The following IGBP1 variants were observed in gnomAD, a reference collection of about 807,000 sequenced individuals.
The protein encoded by IGBP1 is immunoglobulin-binding protein 1.
Under a neutral mutation model 25.9 loss-of-function variants are expected in IGBP1, and 2 were observed. The ratio of observed to expected loss-of-function variants is 0.08; its 90% confidence interval spans 0.03 to 0.24. The LOEUF is 0.24. Ranked by LOEUF, IGBP1 falls within the 10% of genes least tolerant of loss-of-function variation. The pLI, the probability that IGBP1 is intolerant of heterozygous loss-of-function variation, is 1.00. For missense variants in IGBP1, 187 were observed against 260.4 expected (o/e 0.72, Z 1.94); for synonymous variants, 96 against 93.4 (o/e 1.03, Z -0.16).
chrX:70,147,675 A>G (rs1306758170), intron 4 of IGBP1, among the ~76,000 whole-genome samples: 5 of 112,210 alleles, frequency 4.5e-5, no homozygotes, highest in Admixed American at 1.9e-4. Flanking sequence ...GTAAACTGGT[A>G]AAGAAACCTG....
Position 70,148,822 on chromosome X carries a change from G to A in IGBP1, c.740G>A (p.Arg247Gln), listed in dbSNP as rs763800076. ...RPPVKPFILT[R>Q]NMAQAKVFGA... ...CCAGTGAAACCCTTCATTCTCACTC[G>A]GAACATGGCTCAAGCCAAGTAGGTA... Residue 247 changes from arginine (R) to glutamine (Q), a missense_variant, in exon 5 of 7, where the codon CGG becomes CAG. Transcript: ENST00000356413. 1.4e-5 allele frequency: 17 copies of A among 1,198,508 alleles called. No individual in the cohort carries two copies. Among genetic ancestry groups the A allele is most frequent in the Admixed American group, 2.2e-5 (1 of 45,911 alleles).
rs1233852960 is a variant in IGBP1 at position 70,133,491 on chromosome X, T to G, written c.-275T>G. ...CCGGATCTTCAAACCGTGGGAGTGG[T>G]GCGGCGGCTAGAGTCCCTGGACTCC... On this transcript the variant is annotated 5_prime_UTR_variant, in exon 1 of 7. Transcript: ENST00000356413. 5 of 267,731 alleles carry G rather than the reference T, an allele frequency of 1.9e-5. No individual in the cohort carries two copies. Among genetic ancestry groups the G allele is most frequent in the Non-Finnish European group, 3.3e-5 (5 of 152,172 alleles). The allele number at this position is 267,731 out of a possible 1,213,427, so 22.1% of individuals were successfully genotyped here.
At chrX:70,134,498 C>T (rs370343938) in intron 2 of IGBP1, 25 bp from the exon 3 acceptor site, 7 of 1,204,040 alleles carry the variant, frequency 5.8e-6, no homozygotes, top group Non-Finnish European at 7.9e-6. Context: ...AGTCAGGCTT[C>T]ACTGCCTCCT....
chrX:70,146,178 G>C (rs1450152269), intron 3 of IGBP1, among the ~76,000 whole-genome samples: 1 of 111,976 alleles, frequency 8.9e-6, no homozygotes, highest in Non-Finnish European at 1.9e-5. Context: ...GAAAAAAAGA[G>C]TTGATCATTT....
chrX:70,161,297 C>A (rs967758986), intron 6 of IGBP1, among the ~76,000 whole-genome samples: 2 of 111,821 alleles, frequency 1.8e-5, no homozygotes, highest in African/African-American at 6.5e-5. Flanking sequence ...GGGGTCATAT[C>A]GAGCCAATTT....
intron 4 of IGBP1, 57 bp downstream of exon 4, chrX:70,146,885 A>C: frequency 1.1e-6 from 1 of 875,594 alleles, no homozygotes; most frequent in Non-Finnish European, 1.7e-6. Flanking sequence ...CAGGAGATCA[A>C]ATTAAGATCC....
chrX:70,146,588 C>T, intron 3 of IGBP1, 45 bp from the exon 4 acceptor site: 1 of 1,079,404 alleles, frequency 9.3e-7, no homozygotes, highest in South Asian at 1.9e-5. Flanking sequence ...TGAAGGAATA[C>T]CTCTTCATTT....
chrX:70,166,042 A>C lies in IGBP1; in HGVS notation c.*61A>C. ...ACTCCCCTGCCAAGGAAAACCATGCAGTCCTCCCCTCCCTGGTCTCCTGCT... is the reference window on the plus strand; with the variant it reads ...ACTCCCCTGCCAAGGAAAACCATGCCGTCCTCCCCTCCCTGGTCTCCTGCT... On this transcript the variant is annotated 3_prime_UTR_variant, in exon 7 of 7. Transcript: ENST00000356413. 1.0e-5 allele frequency: 11 copies of C among 1,098,515 alleles called. No individual in the cohort carries two copies. The highest frequency in any genetic ancestry group is 1.4e-5 in the Non-Finnish European group (11 of 798,580). The allele number at this position is 1,098,515 out of a possible 1,213,427, so 90.5% of individuals were successfully genotyped here. A position where few individuals can be genotyped will look rare whatever the true frequency, so the allele number is the denominator to read the frequency against.
At chrX:70,134,447 A>C in intron 2 of IGBP1, 76 bp from the exon 3 acceptor site, 1 of 1,055,686 alleles carries the variant, frequency 9.5e-7, no homozygotes, top group African/African-American at 1.9e-5. Flanking sequence ...CCAGCCTCCC[A>C]CTCCGTCCCC....
At chrX:70,145,932 A>G (rs2085163638) in intron 3 of IGBP1, among the ~76,000 whole-genome samples, 1 of 111,887 alleles carries the variant, frequency 8.9e-6, no homozygotes. Context: ...GACCTAACTC[A>G]TCTATTTCTT....
Position 70,166,003 on chromosome X carries a change from C to A in IGBP1, c.*22C>A. 8.3e-7 allele frequency: 1 copy of A among 1,207,623 alleles called. No homozygotes were observed. The highest frequency in any genetic ancestry group is 1.1e-6 in the Non-Finnish European group (1 of 892,107). Reference sequence around the variant, plus strand: ...CTGATCTTCCCACAACACCACAGGACTGCAGGGTGCACAACTCCCCTGCCA... The same window carrying A: ...CTGATCTTCCCACAACACCACAGGAATGCAGGGTGCACAACTCCCCTGCCA... On this transcript the variant is annotated 3_prime_UTR_variant, in exon 7 of 7. Transcript: ENST00000356413.
rs2085122103 is a variant in IGBP1, at chrX:70,140,341, T to A, written c.482+5525T>A. On this transcript the variant is annotated intron_variant, in intron 3 of 6. Transcript: ENST00000356413. ...CCCAAAGCCAGGGTATATTTAGGTA[T>A]GTTCAAAGACTACATAATAGTCTGG... Among the ~76,000 whole-genome samples the A allele has an allele frequency of 3.6e-5, 4 of 111,976 alleles. No homozygotes were observed. The South Asian group carries it at 1.5e-3, about 41-fold the overall frequency.
intron 6 of IGBP1, among the ~76,000 whole-genome samples, chrX:70,155,302 A>T (rs1165901421): frequency 4.5e-5 from 5 of 111,097 alleles, no homozygotes; most frequent in Non-Finnish European, 9.4e-5. Context: ...CAAGACCAGC[A>T]TGACCAACAT....
At chrX:70,153,246 T>C (rs1483885121) in intron 6 of IGBP1, among the ~76,000 whole-genome samples, 1 of 111,846 alleles carries the variant, frequency 8.9e-6, no homozygotes, top group Non-Finnish European at 1.9e-5. Flanking sequence ...AATTAAGACA[T>C]TTTCAGATAA....
intron 6 of IGBP1, among the ~76,000 whole-genome samples, chrX:70,151,925 G>A (rs1446274274): frequency 1.8e-5 from 2 of 111,455 alleles, no homozygotes; most frequent in Non-Finnish European, 3.8e-5. Context: ...CTGACTTAAA[G>A]TGGCCTGGCT....
At chrX:70,154,143 C>T (rs1378244435) in intron 6 of IGBP1, among the ~76,000 whole-genome samples, 6 of 105,753 alleles carry the variant, frequency 5.7e-5, no homozygotes, top group African/African-American at 1.4e-4. Flanking sequence ...CTGCAAGCTC[C>T]GCCTCCCGGG....
At chrX:70,157,126 G>C (rs777497129) in intron 6 of IGBP1, among the ~76,000 whole-genome samples, 28 of 111,706 alleles carry the variant, frequency 2.5e-4, no homozygotes, top group Non-Finnish European at 5.6e-5. Flanking sequence ...ACTTTGAACA[G>C]AATTACAGTG....
In IGBP1 at chrX:70,134,724, GAAC is replaced by G. The variant is rs1375892492; in HGVS notation, c.394_396del (p.Asn132del). 8.3e-7 allele frequency: 1 copy of G among 1,210,849 alleles called. No individual in the cohort carries two copies. The highest frequency in any genetic ancestry group is 1.7e-5 in the African/African-American group (1 of 57,855). On this transcript the variant is annotated inframe_deletion, in exon 3 of 7. Coordinates refer to ENST00000356413, the MANE Select transcript of IGBP1 (RefSeq NM_001551.3). Reference sequence around the variant, plus strand: ...CAGAGTTTGAGCTGCCCAAAACCATGAACAACTCTGCTGAAAATCACACTGCCA... The same window carrying G: ...CAGAGTTTGAGCTGCCCAAAACCATGAACTCTGCTGAAAATCACACTGCCA...
chrX:70,160,454 G>T (rs946009924), intron 6 of IGBP1, among the ~76,000 whole-genome samples: 2 of 111,839 alleles, frequency 1.8e-5, no homozygotes, highest in African/African-American at 6.5e-5. Context: ...TGGAATAGCA[G>T]GTATTTAAGA....
Sources: gnomAD v4.1 joint callset for allele counts (sites outside exome capture counted in the v4.1 genomes callset) on GRCh38, gnomAD v4.1.1 for gene constraint, MANE v1.5 for transcripts, NCBI Gene and HGNC (gene_info 2026-07-23, HGNC 2026-07-21) for gene names.